Variants in PHF14 observed in about 807,000 individuals in gnomAD.
PHF14 encodes PHD finger protein 14.
PHF14 carries 55 observed loss-of-function variants against 117.9 expected under a neutral mutation model. The ratio of observed to expected loss-of-function variants is 0.47; its 90% CI spans 0.38 to 0.58. The LOEUF (loss-of-function observed/expected upper bound fraction) is 0.58, where lower values mean the gene tolerates loss of function less well. PHF14 is among the 20% of genes least tolerant of loss of function. The pLI is 0.00. For synonymous variants in PHF14, 409 were observed against 368.6 expected (o/e 1.11, Z -1.26); for missense variants, 978 against 1,122.2 (o/e 0.87, Z 1.84).
chr7:11,027,804 A>G (rs917159575), intron 6 of PHF14, among the ~76,000 whole-genome samples: 1 of 152,080 alleles, frequency 6.6e-6, no homozygotes, highest in Non-Finnish European at 1.5e-5. Context: ...TTTTCCAAGC[A>G]ATTTTATATT....
chr7:11,164,272 G>T (rs1789135503), intron 17 of PHF14, among the ~76,000 whole-genome samples: 1 of 152,064 alleles, frequency 6.6e-6, no homozygotes, highest in Admixed American at 6.5e-5. Flanking sequence ...CTTATTTCTG[G>T]AAATAGTTTG....
chr7:11,004,221 T>G (rs1782989263), intron 4 of PHF14, among the ~76,000 whole-genome samples: 1 of 125,044 alleles, frequency 8.0e-6, no homozygotes, highest in Non-Finnish European at 1.6e-5. Context: ...CATTCCAGTA[T>G]GGGCTACAGA....
At chr7:11,023,211 A>G (rs1583379424) in intron 6 of PHF14, among the ~76,000 whole-genome samples, 2 of 152,328 alleles carry the variant, frequency 1.3e-5, no homozygotes, top group East Asian at 3.9e-4. Context: ...AATTGGTACT[A>G]CTACCATTTC....
intron 17 of PHF14, among the ~76,000 whole-genome samples, chr7:11,127,793 TA>T (rs1377453436): frequency 6.6e-6 from 1 of 152,144 alleles, no homozygotes; most frequent in Non-Finnish European, 1.5e-5. Flanking sequence ...TGCATATCTT[TA>T]AAAATGAATA....
chr7:11,036,468 T>A lies in PHF14; in HGVS notation c.1653T>A (p.Ala551=). 1 of 1,613,690 alleles carries A rather than the reference T, an allele frequency of 6.2e-7. No individual in the cohort carries two copies. The highest frequency in any genetic ancestry group is 1.1e-5 in the South Asian group (1 of 91,074). ...LQQYRAKAEL[A]RSTRPQAWVP... ...AGTATCGTGCCAAAGCAGAACTAGC[T>A]CGATCTACCAGACCCCAGGCCTGGG... is the stretch of plus-strand genomic sequence containing the variant. Residue 551 remains alanine (A), a synonymous_variant, in exon 9 of 18, where the codon GCT becomes GCA. Transcript: ENST00000634607.
rs1042369189 is a variant in PHF14, at chr7:10,974,214, T to C, written c.-110T>C. 134 of 949,080 alleles carry C rather than the reference T, an allele frequency of 1.4e-4. No homozygotes were observed. The highest frequency in any genetic ancestry group is 2.1e-4 in the Non-Finnish European group (126 of 608,414). 58.8% of individuals were successfully genotyped at this position (949,080 alleles called of 1,614,324 possible). ...CGGCTGGCTGCGCGCCGGTTTTAAA[T>C]AGCATCTTTCGGACTTGTCTTCGCG... On this transcript the variant is annotated 5_prime_UTR_variant, in exon 1 of 18. Transcript: ENST00000634607.
intron 4 of PHF14, among the ~76,000 whole-genome samples, chr7:10,993,516 A>T (rs963195975): frequency 6.6e-6 from 1 of 152,076 alleles, no homozygotes; most frequent in African/African-American, 2.4e-5. Context: ...GTATTCTGTA[A>T]ATTTTAGGCA....
intron 4 of PHF14, among the ~76,000 whole-genome samples, chr7:10,997,859 A>G (rs886231293): frequency 6.6e-6 from 1 of 152,198 alleles, no homozygotes; most frequent in African/African-American, 2.4e-5. Context: ...ATAATCTAAT[A>G]TTGGTAGTGC....
At chr7:11,033,642 C>G (rs1784207029) in intron 7 of PHF14, among the ~76,000 whole-genome samples, 1 of 152,124 alleles carries the variant, frequency 6.6e-6, no homozygotes, top group African/African-American at 2.4e-5. Context: ...TAGTTTCTGC[C>G]ATAGTAAGTA....
At chr7:11,014,518 G>T (rs1489962500) in intron 5 of PHF14, among the ~76,000 whole-genome samples, 3 of 152,234 alleles carry the variant, frequency 2.0e-5, no homozygotes, top group African/African-American at 7.2e-5. Context: ...GGCCCTCTGT[G>T]TTGAGAGGGC....
intron 3 of PHF14, among the ~76,000 whole-genome samples, chr7:10,987,311 G>A (rs560250426): frequency 4.3e-4 from 66 of 152,184 alleles, no homozygotes; most frequent in Middle Eastern, 3.4e-3. Flanking sequence ...AGGGCAGTAG[G>A]ATTCTTTTAA....
intron 16 of PHF14, among the ~76,000 whole-genome samples, chr7:11,074,111 T>A (rs140238557): frequency 1.1e-4 from 17 of 152,354 alleles, no homozygotes; most frequent in Admixed American, 1.1e-3. Flanking sequence ...TTGGCTATTA[T>A]CATTTGTCTC....
chr7:11,106,516 G>A (rs1397011622), intron 16 of PHF14: 22 of 964,830 alleles, frequency 2.3e-5, no homozygotes, highest in East Asian at 1.1e-4. Context: ...ATGTTATTCC[G>A]TATTGGTAGA....
rs1781785617 is a variant in PHF14 at position 10,974,293 on chromosome 7, CTTCTCCA to C, written c.-30_-24del. The C allele has an allele frequency of 2.5e-6, 4 of 1,582,950 alleles. No homozygotes were observed. Among genetic ancestry groups the C allele is most frequent in the Non-Finnish European group, 3.4e-6 (4 of 1,163,270 alleles). On this transcript the variant is annotated 5_prime_UTR_variant, in exon 1 of 18. Transcript: ENST00000634607. ...GGGCTCCTGCAGCCTCTCCCTAAGT[CTTCTCCA>C]AACGACCACCTCACGGATTCCTTAG...
intron 17 of PHF14, among the ~76,000 whole-genome samples, chr7:11,126,383 G>A (rs1787929591): frequency 6.6e-6 from 1 of 151,926 alleles, no homozygotes; most frequent in South Asian, 2.1e-4. Flanking sequence ...TTATAAGCAG[G>A]CTAAGTGCTG....
At chr7:10,990,589 G>GC in intron 3 of PHF14, 114 bp from the exon 4 acceptor site, 3 of 607,890 alleles carry the variant, frequency 4.9e-6, no homozygotes, top group Non-Finnish European at 8.5e-6. Context: ...GGAAAATGGG[G>GC]CATACATTTG....
chr7:11,122,370 CACACACACACACACAT>C (rs1787792065), intron 17 of PHF14, among the ~76,000 whole-genome samples: 1 of 96,664 alleles, frequency 1.0e-5, no homozygotes, highest in South Asian at 3.1e-4. Flanking sequence ...CACACACACA[CACACACACACACACAT>C]ACATACACAC....
rs183757758 is a variant in PHF14, at chr7:11,121,367, T to G, written c.2772+9900T>G. Among the ~76,000 whole-genome samples the G allele has an allele frequency of 2.0e-5, 3 of 152,288 alleles. No homozygotes were observed. In the East Asian group the frequency reaches 5.8e-4, roughly 29 times the overall value. ...TACAGCATTTATGCAAAAGAAAACC[T>G]TACACTTAAGTAAGGAAATGTTTAC... On this transcript the variant is annotated intron_variant, in intron 17 of 17. Coordinates refer to ENST00000634607, the MANE Select transcript of PHF14 (RefSeq NM_001007157.2).
chr7:11,012,972 T>C (rs1783404315), intron 4 of PHF14, among the ~76,000 whole-genome samples: 1 of 152,138 alleles, frequency 6.6e-6, no homozygotes, highest in South Asian at 2.1e-4. Context: ...AATTGTATTA[T>C]ACCTGTTTGT....
Sources: gnomAD v4.1 joint callset for allele counts (sites outside exome capture counted in the v4.1 genomes callset) on GRCh38, gnomAD v4.1.1 for gene constraint, MANE v1.5 for transcripts, NCBI Gene and HGNC (gene_info 2026-07-23, HGNC 2026-07-21) for gene names.